Variants in PDE4D observed in about 807,000 individuals in gnomAD.
The protein encoded by PDE4D is 3',5'-cyclic-AMP phosphodiesterase 4D.
Under a neutral mutation model 87.4 loss-of-function variants are expected in PDE4D, and 24 were observed. The ratio of observed to expected loss-of-function variants is 0.27; its 90% CI spans 0.20 to 0.39. The LOEUF is 0.39. Among genes scored for constraint, PDE4D ranks in the 10% least tolerant of loss-of-function variants. The probability of loss-of-function intolerance (pLI) is 1.00; values close to 1 mark genes in which losing one functional copy is unlikely to be tolerated. For synonymous variants in PDE4D, 384 were observed against 383.2 expected (o/e 1.00, Z -0.02); for missense variants, 714 against 1,041.0 (o/e 0.69, Z 4.32).
intron 5 of PDE4D, among the ~76,000 whole-genome samples, chr5:59,146,172 T>C (rs986423794): frequency 3.9e-5 from 6 of 152,176 alleles, no homozygotes; most frequent in Admixed American, 3.3e-4. Context: ...CAATATCTTG[T>C]TCTTATTCTT....
At chr5:58,978,002 T>TATACA (rs1349960337) in intron 11 of PDE4D, among the ~76,000 whole-genome samples, 9 of 152,134 alleles carry the variant, frequency 5.9e-5, no homozygotes, top group African/African-American at 2.2e-4. Context: ...TACCCTCTGG[T>TATACA]GAAGATTCTG....
rs556306041 is a variant in PDE4D at position 59,658,582 on chromosome 5, C to T, written c.455+234586G>A. 3.9e-5 allele frequency among the ~76,000 whole-genome samples: 6 copies of T among 152,202 alleles called. No homozygotes were observed. In the South Asian group the frequency reaches 8.3e-4, roughly 21 times the overall value. On this transcript the variant is annotated intron_variant, in intron 1 of 14. Coordinates refer to ENST00000340635, the MANE Select transcript of PDE4D (RefSeq NM_001104631.2). Reference sequence around the variant, plus strand: ...ATTTTTAGTAGAGATGGGGTTTCACCGTGTCAGCCAGGATGGTCTCGATCT... The same window carrying T: ...ATTTTTAGTAGAGATGGGGTTTCACTGTGTCAGCCAGGATGGTCTCGATCT...
chr5:60,118,208 A>C lies in PDE4D; in HGVS notation c.42+67349T>G, dbSNP rs149503212. Among the ~76,000 whole-genome samples the C allele has an allele frequency of 2.3e-4, 35 of 152,204 alleles. 3 individuals carry two copies. The East Asian group carries it at 6.8e-3, about 29-fold the overall frequency. On this transcript the variant is annotated intron_variant, in intron 2 of 16. Transcript: ENST00000502484. ...ACTCTCATAGTTTCTTACTTTAAGC[A>C]GTCCTATCCTGAACTGATCACTGCA...
At chr5:59,914,705 C>T (rs148039011) in intron 3 of PDE4D, among the ~76,000 whole-genome samples, 116 of 151,898 alleles carry the variant, frequency 7.6e-4, no homozygotes, top group Non-Finnish European at 1.5e-3. Flanking sequence ...CTCTGGCTGC[C>T]ATGTTGAAAA....
intron 1 of PDE4D, among the ~76,000 whole-genome samples, chr5:59,251,364 C>A (rs965984883): frequency 2.0e-5 from 3 of 151,922 alleles, no homozygotes; most frequent in Admixed American, 6.6e-5. Flanking sequence ...AAAAGGTGGG[C>A]AAAAGACATG....
At chr5:59,243,157 A>G (rs536462732) in intron 1 of PDE4D, among the ~76,000 whole-genome samples, 10 of 152,288 alleles carry the variant, frequency 6.6e-5, no homozygotes, top group Non-Finnish European at 1.3e-4. Context: ...GAGAAAATAT[A>G]TCACAACATT....
intron 1 of PDE4D, among the ~76,000 whole-genome samples, chr5:60,233,734 A>T (rs1480267620): frequency 6.6e-6 from 1 of 151,790 alleles, no homozygotes; most frequent in African/African-American, 2.4e-5. Flanking sequence ...ATGCTTTTCA[A>T]ATATTAGCTC....
At chr5:59,887,141 G>A (rs1027968396) in intron 1 of PDE4D, among the ~76,000 whole-genome samples, 1 of 152,138 alleles carries the variant, frequency 6.6e-6, no homozygotes, top group African/African-American at 2.4e-5. Flanking sequence ...ACAGACCAGA[G>A]ACAACTGGAT....
At chr5:59,246,389 CA>C (rs1029938408) in intron 1 of PDE4D, among the ~76,000 whole-genome samples, 2 of 151,808 alleles carry the variant, frequency 1.3e-5, no homozygotes, top group Non-Finnish European at 2.9e-5. Flanking sequence ...ACTTAAAAAC[CA>C]AAAAAACTAT....
chr5:59,638,783 A>G (rs1741043155), intron 1 of PDE4D, among the ~76,000 whole-genome samples: 1 of 152,140 alleles, frequency 6.6e-6, no homozygotes, highest in Non-Finnish European at 1.5e-5. Flanking sequence ...GTTTTATATA[A>G]AAGATTCTAC....
chr5:59,149,621 T>G (rs547769635), intron 5 of PDE4D, among the ~76,000 whole-genome samples: 8 of 151,920 alleles, frequency 5.3e-5, no homozygotes, highest in African/African-American at 7.2e-5. Flanking sequence ...AAGATTTTAG[T>G]GTTGGTTCCT....
chr5:59,538,161 C>T (rs951059073), intron 1 of PDE4D, among the ~76,000 whole-genome samples: 5 of 152,268 alleles, frequency 3.3e-5, no homozygotes, highest in South Asian at 2.1e-4. Context: ...AATTCTGCAA[C>T]GCTAAAATTC....
At chr5:59,058,617 G>A (rs1005236326) in intron 5 of PDE4D, among the ~76,000 whole-genome samples, 6 of 152,052 alleles carry the variant, frequency 3.9e-5, no homozygotes, top group Non-Finnish European at 7.4e-5. Context: ...ACTGTACATC[G>A]TTTAGTCCCC....
At chr5:60,228,555 C>A (rs1445823940) in intron 1 of PDE4D, among the ~76,000 whole-genome samples, 1 of 152,012 alleles carries the variant, frequency 6.6e-6, no homozygotes, top group African/African-American at 2.4e-5. Context: ...CCTCCTCTCT[C>A]CTTGAATCTG....
At chr5:59,625,021 C>T (rs748349940) in intron 1 of PDE4D, among the ~76,000 whole-genome samples, 15 of 152,262 alleles carry the variant, frequency 9.9e-5, no homozygotes, top group Admixed American at 3.3e-4. Flanking sequence ...TGTTACTCCA[C>T]GGTTATATTA....
chr5:59,895,919 AT>A (rs1751589123), upstream of PDE4D, among the ~76,000 whole-genome samples: 1 of 152,184 alleles, frequency 6.6e-6, no homozygotes, highest in African/African-American at 2.4e-5. Flanking sequence ...TTTCCCACTG[AT>A]TTTTAAAAAT....
intron 3 of PDE4D, among the ~76,000 whole-genome samples, chr5:59,944,407 C>G (rs1757511877): frequency 6.6e-6 from 1 of 152,076 alleles, no homozygotes; most frequent in Non-Finnish European, 1.5e-5. Flanking sequence ...GAGTCTCGCT[C>G]TGTCGCCCAG....
At chr5:60,218,144 T>C (rs1251011559) in intron 1 of PDE4D, among the ~76,000 whole-genome samples, 1 of 151,960 alleles carries the variant, frequency 6.6e-6, no homozygotes, top group Admixed American at 6.6e-5. Context: ...AAGAGTAAAA[T>C]GAAATCTCCA....
rs967415273 is a variant in PDE4D at position 59,731,382 on chromosome 5, A to G, written c.455+161786T>C. Among the ~76,000 whole-genome samples the G allele has an allele frequency of 4.6e-5, 7 of 152,176 alleles. No individual in the cohort carries two copies. In the South Asian group the frequency reaches 6.2e-4, roughly 14 times the overall value. Reference sequence around the variant, plus strand: ...GATGACAAGCACAGGACAGGCCCATATGCTGAGGATGGCTGGCACAGAAGA... The same window carrying G: ...GATGACAAGCACAGGACAGGCCCATGTGCTGAGGATGGCTGGCACAGAAGA... On this transcript the variant is annotated intron_variant, in intron 1 of 14. Transcript: ENST00000340635.
Sources: allele counts gnomAD v4.1 joint callset (sites outside exome capture counted in the v4.1 genomes callset), GRCh38; gene constraint gnomAD v4.1.1; transcripts MANE v1.5; gene names NCBI Gene and HGNC (gene_info 2026-07-23, HGNC 2026-07-21).